The following MAP4K3 variants were observed in gnomAD, a reference collection of about 807,000 sequenced individuals.
MAP4K3 encodes the protein MAPK/ERK kinase kinase kinase 3.
Under a neutral mutation model 143.5 loss-of-function variants are expected in MAP4K3, and 94 were observed. The observed-to-expected ratio is 0.65, with a 90% CI of 0.55 to 0.78. MAP4K3 has a LOEUF of 0.78. Among genes scored for constraint, MAP4K3 ranks in the 30% least tolerant of loss-of-function variants. The pLI, the probability that MAP4K3 is intolerant of heterozygous loss-of-function variation, is 0.00. For missense variants in MAP4K3, 1,077 were observed against 1,068.1 expected (o/e 1.01, Z -0.12); for synonymous variants, 416 against 347.2 (o/e 1.20, Z -2.20).
chr2:39,315,298 G>C lies in MAP4K3; in HGVS notation c.997+12C>G, dbSNP rs1170931784. On this transcript the variant is annotated intron_variant, in intron 13 of 33. Transcript: ENST00000263881. ...ATCATTAAATCATAAACTGTGTATAGTATATACTTACAGGTTATCTCTGAG... is the reference window on the plus strand; with the variant it reads ...ATCATTAAATCATAAACTGTGTATACTATATACTTACAGGTTATCTCTGAG... The C allele has an allele frequency of 6.6e-7, 1 of 1,524,778 alleles. No individual in the cohort carries two copies. Among genetic ancestry groups the C allele is most frequent in the South Asian group, 1.1e-5 (1 of 88,078 alleles). 94.5% of individuals were successfully genotyped at this position (1,524,778 alleles called of 1,614,324 possible). A position where few individuals can be genotyped will look rare whatever the true frequency, so the allele number is the denominator to read the frequency against.
rs74996074 is a variant in MAP4K3, at chr2:39,281,380, T to C, written c.1630-1024A>G. Among the ~76,000 whole-genome samples the C allele has an allele frequency of 9.7e-3, 1,470 of 152,258 alleles. 25 individuals carry two copies. Among genetic ancestry groups the C allele is most frequent in the African/African-American group, 0.034 (1,400 of 41,540 alleles). ...CCAAACAATATATCTTTAAAGACTC[T>C]GGTACCAAAAAAGAACAATTTAGCT... On this transcript the variant is annotated intron_variant, in intron 22 of 33. Coordinates refer to ENST00000263881, the MANE Select transcript of MAP4K3 (RefSeq NM_003618.4).
At chr2:39,256,660 A>T (rs542766914) in intron 31 of MAP4K3, among the ~76,000 whole-genome samples, 15 of 152,192 alleles carry the variant, frequency 9.9e-5, no homozygotes, top group Non-Finnish European at 1.5e-4. Flanking sequence ...AATGATTTTC[A>T]TAAGATTATA....
chr2:39,386,177 GATA>G (rs1265203022), intron 1 of MAP4K3, among the ~76,000 whole-genome samples: 1 of 152,146 alleles, frequency 6.6e-6, no homozygotes, highest in Admixed American at 6.5e-5. Context: ...AGATACCAGA[GATA>G]TACATGCACA....
chr2:39,293,042 A>C (rs1215835196), intron 17 of MAP4K3, among the ~76,000 whole-genome samples, 188 bp downstream of exon 17: 2 of 152,158 alleles, frequency 1.3e-5, no homozygotes, highest in East Asian at 3.9e-4. Flanking sequence ...GCTTGAGCCC[A>C]GGAGTTCAAG....
intron 26 of MAP4K3, 101 bp from the exon 27 acceptor site, chr2:39,267,348 G>A (rs918289775): frequency 1.6e-5 from 14 of 857,170 alleles, no homozygotes; most frequent in Middle Eastern, 3.3e-4. Context: ...GTTCAAAACT[G>A]GTGCTGACAT....
intron 32 of MAP4K3, among the ~76,000 whole-genome samples, chr2:39,252,372 T>C (rs1284576576): frequency 2.0e-5 from 3 of 152,230 alleles, no homozygotes; most frequent in Non-Finnish European, 4.4e-5. Context: ...AGAAATGGTT[T>C]TGCCTTATGC....
chr2:39,389,402 T>C (rs761649034), intron 1 of MAP4K3, among the ~76,000 whole-genome samples: 4 of 152,080 alleles, frequency 2.6e-5, no homozygotes, highest in Admixed American at 2.6e-4. Flanking sequence ...GCTGAAATTT[T>C]TCCAGAATGG....
intron 1 of MAP4K3, chr2:39,379,685 C>CT (rs1306036280): frequency 6.0e-6 from 1 of 166,632 alleles, no homozygotes; most frequent in African/African-American, 2.4e-5. Context: ...TAGGATTCTC[C>CT]TTTAGCATCT....
intron 1 of MAP4K3, among the ~76,000 whole-genome samples, chr2:39,423,216 G>A (rs1034430644): frequency 8.5e-5 from 13 of 152,208 alleles, no homozygotes; most frequent in African/African-American, 2.4e-4. Flanking sequence ...AAAACAATGC[G>A]GTAGCACTAC....
chr2:39,355,232 G>T (rs773391355), intron 3 of MAP4K3, among the ~76,000 whole-genome samples: 2 of 151,902 alleles, frequency 1.3e-5, no homozygotes, highest in Non-Finnish European at 2.9e-5. Flanking sequence ...GTGGTGCCAC[G>T]TGGCTGCAGT....
At chr2:39,422,088 C>T (rs1327267855) in intron 1 of MAP4K3, among the ~76,000 whole-genome samples, 1 of 151,368 alleles carries the variant, frequency 6.6e-6, no homozygotes, top group Non-Finnish European at 1.5e-5. Flanking sequence ...CCTCTGTCAG[C>T]CATGGTACAC....
At chr2:39,367,764 ACT>A (rs944679156) in intron 2 of MAP4K3, among the ~76,000 whole-genome samples, 4 of 152,032 alleles carry the variant, frequency 2.6e-5, no homozygotes, top group Admixed American at 2.6e-4. Context: ...GTGTTTCCCA[ACT>A]CTGTTTTCCT....
At chr2:39,344,463 G>A (rs767828263) in intron 3 of MAP4K3, among the ~76,000 whole-genome samples, 2 of 152,288 alleles carry the variant, frequency 1.3e-5, no homozygotes, top group East Asian at 1.9e-4. Flanking sequence ...TCAAATTTTA[G>A]TGCCAATAAA....
At chr2:39,347,454 G>A (rs1486865577) in intron 3 of MAP4K3, among the ~76,000 whole-genome samples, 1 of 152,148 alleles carries the variant, frequency 6.6e-6, no homozygotes, top group Non-Finnish European at 1.5e-5. Context: ...ACAAAAAACA[G>A]GTTGAATGAC....
At chr2:39,329,599 C>T (rs1380388621) in intron 8 of MAP4K3, among the ~76,000 whole-genome samples, 1 of 152,112 alleles carries the variant, frequency 6.6e-6, no homozygotes, top group Non-Finnish European at 1.5e-5. Flanking sequence ...AACAGTCAGT[C>T]CCTGGCATTC....
intron 32 of MAP4K3, 39 bp downstream of exon 32, chr2:39,254,411 T>C: frequency 6.7e-7 from 1 of 1,497,638 alleles, no homozygotes. Flanking sequence ...TGGAATTTGA[T>C]AATGTCTTGT....
chr2:39,383,182 G>A (rs763274276), intron 1 of MAP4K3, among the ~76,000 whole-genome samples: 1 of 152,128 alleles, frequency 6.6e-6, no homozygotes, highest in Non-Finnish European at 1.5e-5. Context: ...AATTGCCTGC[G>A]ACTCGGTAAT....
In MAP4K3 at chr2:39,277,230, T is replaced by C. The variant is rs532724288; in HGVS notation, c.1794+1177A>G. Among the ~76,000 whole-genome samples, 206 of 152,352 alleles carry C rather than the reference T, an allele frequency of 1.4e-3. 4 individuals are homozygous for C. In the South Asian group the frequency reaches 0.042, roughly 31 times the overall value. ...ACCCAGCTCCATCTATTGTTACCAT[T>C]CTGTACTCCAGTCAAATGCCCAGTC... On this transcript the variant is annotated intron_variant, in intron 24 of 33. Transcript: ENST00000263881.
intron 28 of MAP4K3, among the ~76,000 whole-genome samples, chr2:39,261,478 G>T (rs1680565463): frequency 6.6e-6 from 1 of 152,126 alleles, no homozygotes; most frequent in African/African-American, 2.4e-5. Context: ...AAATTAAAAA[G>T]AATGACAGTG....
Sources: gnomAD v4.1 joint callset for allele counts (sites outside exome capture counted in the v4.1 genomes callset) on GRCh38, gnomAD v4.1.1 for gene constraint, MANE v1.5 for transcripts, NCBI Gene and HGNC (gene_info 2026-07-23, HGNC 2026-07-21) for gene names.